ADORA2B: variants seen among roughly 807,000 people sequenced by gnomAD.
ADORA2B encodes adenosine A2b receptor, also known as adenosine receptor A2b.
A neutral mutation model predicts 20.8 loss-of-function variants in ADORA2B; 18 were observed. The ratio of observed to expected loss-of-function variants is 0.87; its 90% confidence interval spans 0.60 to 1.29. The LOEUF is 1.29. Among genes scored for constraint, ADORA2B ranks in the 50% most tolerant of loss-of-function variants. The probability of loss-of-function intolerance (pLI) is 0.00; values close to 1 mark genes in which losing one functional copy is unlikely to be tolerated. For missense variants in ADORA2B, 441 were observed against 422.7 expected, an observed-to-expected ratio of 1.04 and a Z score of -0.38; for synonymous variants, 179 against 178.3, an observed-to-expected ratio of 1.00 and a Z score of -0.03.
At chr17:15,871,752 G>C in the ADORA2B span, among the ~76,000 whole-genome samples, 1 of 152,144 alleles carries the variant, frequency 6.6e-6, no homozygotes, top group Non-Finnish European at 1.5e-5. Flanking sequence ...AATTAAACGT[G>C]CCCGTGACTG....
intron 1 of ADORA2B, among the ~76,000 whole-genome samples, chr17:15,954,954 T>C (rs8065354): frequency 6.6e-6 from 1 of 152,200 alleles, no homozygotes; most frequent in Non-Finnish European, 1.5e-5. Flanking sequence ...TTGTTTTTCC[T>C]TGGTGTTCTG....
At chr17:15,863,555 T>C in the ADORA2B span, among the ~76,000 whole-genome samples, 1 of 152,164 alleles carries the variant, frequency 6.6e-6, no homozygotes, top group East Asian at 1.9e-4. Context: ...GGTCTCACTA[T>C]GTTTCTCAGG....
At chr17:15,930,534 G>C in the ADORA2B span, among the ~76,000 whole-genome samples, 1 of 152,168 alleles carries the variant, frequency 6.6e-6, no homozygotes, top group Non-Finnish European at 1.5e-5. Flanking sequence ...GAGCTCAAGC[G>C]ATCTGTGTGC....
the ADORA2B span, among the ~76,000 whole-genome samples, chr17:15,903,841 T>C: frequency 1.3e-5 from 2 of 152,208 alleles, no homozygotes; most frequent in African/African-American, 4.8e-5. Context: ...CACTCTAATA[T>C]GTGTAGCATA....
chr17:15,877,961 T>C, the ADORA2B span, among the ~76,000 whole-genome samples: 5 of 152,128 alleles, frequency 3.3e-5, no homozygotes, highest in African/African-American at 1.2e-4. Flanking sequence ...TTTTATTTTC[T>C]TTCCTGTTTT....
chr17:15,915,408 A>AT, the ADORA2B span, among the ~76,000 whole-genome samples: 1 of 152,140 alleles, frequency 6.6e-6, no homozygotes, highest in African/African-American at 2.4e-5. Flanking sequence ...AAGCTAACAC[A>AT]TTTACAGGTT....
chr17:15,860,808 G>T, the ADORA2B span: 1,476 of 173,018 alleles, frequency 8.5e-3, 24 homozygotes, highest in African/African-American at 0.033. Flanking sequence ...AGGTGATTAT[G>T]TGGTCGTTCC....
intron 1 of ADORA2B, among the ~76,000 whole-genome samples, chr17:15,958,013 ACTTC>A (rs1969990562): frequency 6.9e-6 from 1 of 145,466 alleles, no homozygotes; most frequent in Non-Finnish European, 1.5e-5. Flanking sequence ...TGTCAGGTAC[ACTTC>A]CTTTTTTTTT....
chr17:15,968,158 T>C (rs899896522), intron 1 of ADORA2B, among the ~76,000 whole-genome samples: 2 of 152,206 alleles, frequency 1.3e-5, no homozygotes, highest in Non-Finnish European at 1.5e-5. Flanking sequence ...ATGGGAGTTA[T>C]GTGCCAGGAA....
chr17:15,957,893 C>T (rs1969987986), intron 1 of ADORA2B, among the ~76,000 whole-genome samples: 1 of 152,186 alleles, frequency 6.6e-6, no homozygotes, highest in East Asian at 1.9e-4. Flanking sequence ...TCCTGATTTC[C>T]ACTGCTGATT....
At chr17:15,930,059 C>A in the ADORA2B span, among the ~76,000 whole-genome samples, 1 of 152,060 alleles carries the variant, frequency 6.6e-6, no homozygotes, top group Admixed American at 6.6e-5. Context: ...GCCTCGAGGC[C>A]ACACAGTTGA....
chr17:15,912,183 C>T, the ADORA2B span, among the ~76,000 whole-genome samples: 1 of 148,682 alleles, frequency 6.7e-6, no homozygotes, highest in Non-Finnish European at 1.5e-5. Flanking sequence ...CCATTGCACT[C>T]CAGCCTGGGT....
At chr17:15,924,919 G>A in the ADORA2B span, among the ~76,000 whole-genome samples, 1 of 151,114 alleles carries the variant, frequency 6.6e-6, no homozygotes, top group African/African-American at 2.4e-5. Flanking sequence ...CCAGGCTGAA[G>A]TGTGCAGTGC....
At chr17:15,885,246 G>A in the ADORA2B span, among the ~76,000 whole-genome samples, 1 of 152,016 alleles carries the variant, frequency 6.6e-6, no homozygotes, top group Non-Finnish European at 1.5e-5. Context: ...CATGTACTTT[G>A]CCCACTTTTT....
Position 15,963,603 on chromosome 17 carries a change from G to A in ADORA2B, c.336-11076G>A, listed in dbSNP as rs148549049. The stretch of plus-strand genomic sequence containing the variant: ...TTTTATGGGAAGGAGATCAGAGTCT[G>A]GAGCCCAGTAGCTTTGGGCTGTCTC... On this transcript the variant is annotated intron_variant, in intron 1 of 1. Transcript: ENST00000304222. Among the ~76,000 whole-genome samples, 3 of 152,276 alleles carry A rather than the reference G, an allele frequency of 2.0e-5. No individual in the cohort carries two copies. The East Asian group carries it at 5.8e-4, about 29-fold the overall frequency.
intron 1 of ADORA2B, among the ~76,000 whole-genome samples, chr17:15,972,728 C>T (rs1046757635): frequency 6.6e-6 from 1 of 152,090 alleles, no homozygotes; most frequent in Non-Finnish European, 1.5e-5. Flanking sequence ...GTATTGGTAT[C>T]CCCAGTAGTG....
At position 15,975,212 on chromosome 17, in the gene ADORA2B, A is replaced by G; in HGVS notation, c.869A>G (p.Tyr290Cys). The G allele has an allele frequency of 6.2e-7, 1 of 1,614,070 alleles. No individual in the cohort carries two copies. Among genetic ancestry groups the G allele is most frequent in the South Asian group, 1.1e-5 (1 of 91,084 alleles). ...HANSVVNPIV[Y>C]AYRNRDFRYT... is the part of the protein sequence containing the mutation. ...AATTCAGTTGTCAATCCCATTGTCT[A>G]TGCTTACCGGAACCGAGACTTCCGC... Residue 290 changes from tyrosine to cysteine, a missense_variant, in exon 2 of 2, where the codon TAT becomes TGT. Physicochemically the swap from Tyr to Cys is radical, Grantham distance 194 (BLOSUM62 -2). Coordinates refer to ENST00000304222, the MANE Select transcript of ADORA2B (RefSeq NM_000676.4).
chr17:15,943,899 G>T (rs1433691994), upstream of ADORA2B, among the ~76,000 whole-genome samples: 1 of 152,148 alleles, frequency 6.6e-6, no homozygotes. Flanking sequence ...GTCAGCAAAG[G>T]CTTTCGGGTG....
chr17:15,900,421 T>C, the ADORA2B span, among the ~76,000 whole-genome samples: 2 of 152,060 alleles, frequency 1.3e-5, no homozygotes, highest in Non-Finnish European at 2.9e-5. Flanking sequence ...CCAGCATCTG[T>C]TATATTTTGA....
Sources: allele counts gnomAD v4.1 joint callset (sites outside exome capture counted in the v4.1 genomes callset), GRCh38; gene constraint gnomAD v4.1.1; transcripts MANE v1.5; gene names NCBI Gene and HGNC (gene_info 2026-07-23, HGNC 2026-07-21).